The following AGBL4 variants were observed in gnomAD, a reference collection of about 807,000 sequenced individuals.
AGBL4 encodes AGBL carboxypeptidase 4.
AGBL4 carries 58 observed loss-of-function variants against 66.4 expected under a neutral mutation model. The observed-to-expected ratio is 0.87, with a 90% confidence interval of 0.71 to 1.09. AGBL4 has a LOEUF of 1.09. AGBL4 is among the 50% of genes least tolerant of loss of function. The probability of loss-of-function intolerance (pLI) is 0.00; values close to 1 mark genes in which losing one functional copy is unlikely to be tolerated. For missense variants in AGBL4, 579 were observed against 631.0 expected (o/e 0.92, Z 0.88); for synonymous variants, 234 against 222.9 (o/e 1.05, Z -0.44).
intron 4 of AGBL4, among the ~76,000 whole-genome samples, chr1:49,048,153 C>T (rs1644125954): frequency 6.6e-6 from 1 of 152,130 alleles, no homozygotes; most frequent in Non-Finnish European, 1.5e-5. Context: ...GTTTGAGTCT[C>T]TTAGAGCCCT....
intron 3 of AGBL4, chr1:49,268,111 A>G (rs569567785): frequency 6.6e-6 from 1 of 152,310 alleles, no homozygotes; most frequent in African/African-American, 2.4e-5. Flanking sequence ...GGGAAAGTCA[A>G]GGATAATAAA....
chr1:48,804,706 G>C (rs181639240), intron 6 of AGBL4, among the ~76,000 whole-genome samples: 2 of 152,342 alleles, frequency 1.3e-5, no homozygotes, highest in African/African-American at 4.8e-5. Flanking sequence ...TGGAGGGACA[G>C]ACTAGCAAAG....
chr1:49,949,629 G>A (rs879941755), intron 1 of AGBL4, among the ~76,000 whole-genome samples: 6 of 151,574 alleles, frequency 4.0e-5, no homozygotes, highest in Non-Finnish European at 8.9e-5. Flanking sequence ...TAATGATCAG[G>A]AAAATGCAAA....
At position 49,335,705 on chromosome 1, in the gene AGBL4, C is replaced by T. The variant is rs140607077; in HGVS notation, c.283-89841G>A. 2.3e-3 allele frequency among the ~76,000 whole-genome samples: 355 copies of T among 152,096 alleles called. 8 individuals are homozygous for T. The East Asian group carries it at 0.051, about 22-fold the overall frequency. On this transcript the variant is annotated intron_variant, in intron 3 of 13. Transcript: ENST00000371839. ...TAATTTTTTGTGTTTTTAGTAGAGACGGGGTTTCACCATGTTAGTCAGGAT... is the reference window on the plus strand; with the variant it reads ...TAATTTTTTGTGTTTTTAGTAGAGATGGGGTTTCACCATGTTAGTCAGGAT...
At chr1:49,680,029 T>TTTC (rs1053258883) in intron 3 of AGBL4, among the ~76,000 whole-genome samples, 11 of 151,360 alleles carry the variant, frequency 7.3e-5, no homozygotes, top group African/African-American at 9.7e-5. Flanking sequence ...GTTCCAAGAT[T>TTTC]TTCTTCTTCT....
intron 7 of AGBL4, among the ~76,000 whole-genome samples, chr1:48,661,940 G>T (rs1173713275): frequency 6.6e-6 from 1 of 152,164 alleles, no homozygotes; most frequent in Non-Finnish European, 1.5e-5. Context: ...GGAGGAAGAA[G>T]GCCAAAGTGA....
At chr1:49,584,728 C>T (rs1407685906) in intron 3 of AGBL4, among the ~76,000 whole-genome samples, 1 of 152,134 alleles carries the variant, frequency 6.6e-6, no homozygotes, top group South Asian at 2.1e-4. Context: ...AGGGAGAAAC[C>T]CAGAAATTTA....
intron 3 of AGBL4, among the ~76,000 whole-genome samples, chr1:49,479,338 G>A (rs753482070): frequency 9.2e-5 from 14 of 151,718 alleles, no homozygotes; most frequent in Non-Finnish European, 1.6e-4. Flanking sequence ...TGTGCAGTAT[G>A]TGCGGGTATG....
intron 5 of AGBL4, among the ~76,000 whole-genome samples, chr1:48,952,470 A>G (rs991047257): frequency 5.3e-5 from 8 of 152,246 alleles, no homozygotes; most frequent in African/African-American, 1.9e-4. Flanking sequence ...AATGGAGAGA[A>G]GCTAATCAAA....
Position 49,531,957 on chromosome 1 carries a change from AGGT to A in AGBL4, c.282+165353_282+165355del, listed in dbSNP as rs1651173618. 5.3e-5 allele frequency among the ~76,000 whole-genome samples: 8 copies of A among 152,230 alleles called. No individual in the cohort carries two copies. In the South Asian group the frequency reaches 1.7e-3, roughly 32 times the overall value. ...TCCCAACATTACAATTTATGGGAAA[AGGT>A]ATATACAATACACTCTATTTTGACT... On this transcript the variant is annotated intron_variant, in intron 3 of 13. Coordinates refer to ENST00000371839, the MANE Select transcript of AGBL4 (RefSeq NM_032785.4).
intron 5 of AGBL4, among the ~76,000 whole-genome samples, chr1:49,009,309 C>T (rs1299757251): frequency 4.6e-5 from 7 of 151,930 alleles, no homozygotes; most frequent in African/African-American, 1.7e-4. Context: ...ACACATACAC[C>T]CTCCCAAGAC....
intron 11 of AGBL4, among the ~76,000 whole-genome samples, chr1:48,552,880 T>C (rs1204715556): frequency 1.3e-5 from 2 of 151,708 alleles, no homozygotes; most frequent in African/African-American, 4.8e-5. Flanking sequence ...GCTGCATTAA[T>C]CTAGTAAGAC....
chr1:48,983,781 G>T (rs1659958293), intron 5 of AGBL4, among the ~76,000 whole-genome samples: 1 of 152,058 alleles, frequency 6.6e-6, no homozygotes, highest in Non-Finnish European at 1.5e-5. Flanking sequence ...AGAAATAATA[G>T]CAATAATAAT....
chr1:49,315,586 G>C (rs1161619398), intron 3 of AGBL4, among the ~76,000 whole-genome samples: 1 of 152,120 alleles, frequency 6.6e-6, no homozygotes, highest in South Asian at 2.1e-4. Flanking sequence ...CAAAGTATAT[G>C]AACAGACATT....
intron 1 of AGBL4, chr1:49,995,315 A>G (rs1374968757): frequency 2.2e-6 from 1 of 453,946 alleles, no homozygotes; most frequent in Non-Finnish European, 4.4e-6. Context: ...TGGGGTGCAC[A>G]GTGAAAGTGA....
intron 3 of AGBL4, among the ~76,000 whole-genome samples, chr1:49,362,657 C>T (rs1041828809): frequency 5.9e-5 from 9 of 152,076 alleles, no homozygotes. Context: ...TCTACACCAA[C>T]AATTTCAATG....
chr1:48,776,552 C>G (rs1433966555), intron 6 of AGBL4: 1 of 1,303,058 alleles, frequency 7.7e-7, no homozygotes, highest in Non-Finnish European at 9.9e-7. Flanking sequence ...CGGCCCCTCC[C>G]GGGGTCCCAG....
intron 3 of AGBL4, among the ~76,000 whole-genome samples, chr1:49,402,523 T>C (rs1236204135): frequency 1.3e-5 from 2 of 152,156 alleles, no homozygotes; most frequent in African/African-American, 2.4e-5. Flanking sequence ...TTGTATTCCA[T>C]TGTGGTCAGA....
chr1:49,333,188 T>C (rs985261699), intron 3 of AGBL4, among the ~76,000 whole-genome samples: 51 of 152,076 alleles, frequency 3.4e-4, no homozygotes, highest in African/African-American at 1.2e-3. Flanking sequence ...ATAATAATAA[T>C]AATAATAAAG....
Sources: allele counts gnomAD v4.1 joint callset (sites outside exome capture counted in the v4.1 genomes callset), GRCh38; gene constraint gnomAD v4.1.1; transcripts MANE v1.5; gene names NCBI Gene and HGNC (gene_info 2026-07-23, HGNC 2026-07-21).